The following RAP1GDS1 variants were observed in gnomAD, a reference collection of about 807,000 sequenced individuals.
RAP1GDS1 encodes the protein Rap1 GTPase-GDP dissociation stimulator 1, also known as RAP1, GTP-GDP dissociation stimulator 1.
RAP1GDS1 carries 35 observed loss-of-function variants against 71.1 expected under a neutral mutation model. The ratio of observed to expected loss-of-function variants is 0.49; its 90% CI spans 0.38 to 0.65. The LOEUF is 0.65. Among genes scored for constraint, RAP1GDS1 ranks in the 30% least tolerant of loss-of-function variants. The probability of loss-of-function intolerance (pLI) is 0.00; values close to 1 mark genes in which losing one functional copy is unlikely to be tolerated. For missense variants in RAP1GDS1, 663 were observed against 706.1 expected, an observed-to-expected ratio of 0.94 and a Z score of 0.69; for synonymous variants, 229 against 243.1, an observed-to-expected ratio of 0.94 and a Z score of 0.54.
At chr4:98,297,850 C>G (rs558279876) in intron 2 of RAP1GDS1, among the ~76,000 whole-genome samples, 2 of 152,116 alleles carry the variant, frequency 1.3e-5, no homozygotes, top group Admixed American at 1.3e-4. Flanking sequence ...GAAAGCATGT[C>G]GAAAGCGGAG....
At position 98,433,998 on chromosome 4, in the gene RAP1GDS1, T is replaced by TACTA; in HGVS notation, c.1503_1504insACTA (p.Glu502ThrfsTer9). The TACTA allele has an allele frequency of 6.2e-7, 1 of 1,613,452 alleles. No individual in the cohort carries two copies. Among genetic ancestry groups the TACTA allele is most frequent in the Non-Finnish European group, 8.5e-7 (1 of 1,179,398 alleles). ...AGCATCTAGTTACCATGGCAACTAGTGAACATGTAATAATGCAGAATGAAG... is the reference window on the plus strand; with the variant it reads ...AGCATCTAGTTACCATGGCAACTAGTACTAGAACATGTAATAATGCAGAATGAAG... On this transcript the variant is annotated frameshift_variant, in exon 13 of 15. Transcript: ENST00000408927. LOFTEE classifies it high-confidence loss of function.
chr4:98,424,545 G>A (rs1360199261), intron 12 of RAP1GDS1, among the ~76,000 whole-genome samples: 3 of 152,182 alleles, frequency 2.0e-5, no homozygotes, highest in Non-Finnish European at 4.4e-5. Context: ...GTGGATCATT[G>A]TGGTCAGGAG....
intron 3 of RAP1GDS1, among the ~76,000 whole-genome samples, chr4:98,345,891 T>G (rs1050804798): frequency 6.6e-6 from 1 of 152,202 alleles, no homozygotes; most frequent in African/African-American, 2.4e-5. Context: ...TAGCAGCATG[T>G]AACCTGAAAG....
intron 2 of RAP1GDS1, among the ~76,000 whole-genome samples, chr4:98,307,126 G>A (rs1729442568): frequency 6.6e-6 from 1 of 150,932 alleles, no homozygotes; most frequent in Non-Finnish European, 1.5e-5. Flanking sequence ...GGACTTAATT[G>A]TATTTTTTTT....
At chr4:98,295,700 A>C (rs1238326561) in intron 2 of RAP1GDS1, among the ~76,000 whole-genome samples, 1 of 152,106 alleles carries the variant, frequency 6.6e-6, no homozygotes, top group Non-Finnish European at 1.5e-5. Flanking sequence ...GAGTTCATGT[A>C]ATGTGAAATC....
rs1298976058 is a variant in RAP1GDS1 at position 98,366,441 on chromosome 4, A to G, written c.362-12576A>G. ...GTATGTCTTTATCAGCAGCATGAAA[A>G]CAAACTAATACAGTAAATTGGTACC... is the stretch of plus-strand genomic sequence containing the variant. On this transcript the variant is annotated intron_variant, in intron 4 of 14. Coordinates refer to ENST00000408927, the MANE Select transcript of RAP1GDS1 (RefSeq NM_001100427.2). 2.6e-5 allele frequency among the ~76,000 whole-genome samples: 4 copies of G among 152,170 alleles called. No individual in the cohort carries two copies. The East Asian group carries it at 5.8e-4, about 22-fold the overall frequency.
intron 2 of RAP1GDS1, among the ~76,000 whole-genome samples, chr4:98,293,932 T>G (rs1727346017): frequency 6.6e-6 from 1 of 152,110 alleles, no homozygotes; most frequent in African/African-American, 2.4e-5. Flanking sequence ...TAACATTTTT[T>G]TGGAATCTTA....
At chr4:98,316,983 T>C (rs1026554042) in intron 2 of RAP1GDS1, among the ~76,000 whole-genome samples, 3 of 152,190 alleles carry the variant, frequency 2.0e-5, no homozygotes, top group Admixed American at 1.3e-4. Context: ...AGTTAATCTT[T>C]TCCCAGTTGC....
At chr4:98,400,349 T>A (rs1476235154) in intron 6 of RAP1GDS1, among the ~76,000 whole-genome samples, 1 of 151,850 alleles carries the variant, frequency 6.6e-6, no homozygotes, top group African/African-American at 2.4e-5. Context: ...TGTATATGTA[T>A]ATACACACAC....
At chr4:98,358,968 A>G (rs1738335841) in intron 4 of RAP1GDS1, among the ~76,000 whole-genome samples, 1 of 152,056 alleles carries the variant, frequency 6.6e-6, no homozygotes, top group South Asian at 2.1e-4. Context: ...CTATCCAGAA[A>G]GCATATATAT....
At chr4:98,287,604 A>AG (rs1365319562) in intron 1 of RAP1GDS1, among the ~76,000 whole-genome samples, 2 of 152,206 alleles carry the variant, frequency 1.3e-5, no homozygotes, top group African/African-American at 4.8e-5. Flanking sequence ...TCATGGATTA[A>AG]GGTAGAAGTT....
chr4:98,392,477 G>T (rs932414382), intron 6 of RAP1GDS1, among the ~76,000 whole-genome samples: 5 of 152,228 alleles, frequency 3.3e-5, no homozygotes, highest in Admixed American at 1.3e-4. Flanking sequence ...CACTTCGGAA[G>T]GCCGAGGTGG....
intron 14 of RAP1GDS1, among the ~76,000 whole-genome samples, chr4:98,438,755 T>C (rs997487874): frequency 2.6e-5 from 4 of 151,450 alleles, no homozygotes; most frequent in Non-Finnish European, 5.9e-5. Context: ...ACATCACACC[T>C]GGCTAATTTT....
intron 2 of RAP1GDS1, among the ~76,000 whole-genome samples, chr4:98,322,395 G>C (rs1015212662): frequency 8.9e-6 from 1 of 112,984 alleles, no homozygotes; most frequent in South Asian, 3.7e-4. Flanking sequence ...CCCAGGAATT[G>C]AACTCAGCTC....
intron 1 of RAP1GDS1, among the ~76,000 whole-genome samples, chr4:98,269,820 T>G (rs904244362): frequency 2.6e-5 from 4 of 152,172 alleles, no homozygotes; most frequent in Admixed American, 1.3e-4. Flanking sequence ...CTGAATAATT[T>G]CAAAATCTGA....
chr4:98,350,763 A>C (rs1182253764), intron 3 of RAP1GDS1, among the ~76,000 whole-genome samples: 2 of 152,196 alleles, frequency 1.3e-5, no homozygotes, highest in East Asian at 1.9e-4. Flanking sequence ...ATTTGAACCC[A>C]GGGGGCAGAG....
chr4:98,338,692 T>C (rs1323122871), intron 2 of RAP1GDS1, among the ~76,000 whole-genome samples: 1 of 152,216 alleles, frequency 6.6e-6, no homozygotes, highest in Non-Finnish European at 1.5e-5. Context: ...TTTTTATTAC[T>C]CTAAAGCTAT....
At chr4:98,278,301 T>C (rs1724533106) in intron 1 of RAP1GDS1, among the ~76,000 whole-genome samples, 1 of 152,230 alleles carries the variant, frequency 6.6e-6, no homozygotes. Context: ...TTTTCATTAC[T>C]TCTTATTATC....
At chr4:98,405,421 CTA>C (rs1745974610) in intron 7 of RAP1GDS1, among the ~76,000 whole-genome samples, 1 of 151,772 alleles carries the variant, frequency 6.6e-6, no homozygotes, top group African/African-American at 2.4e-5. Flanking sequence ...CCAATATGAA[CTA>C]AAAGGAAAGA....
Sources: gnomAD v4.1 joint callset for allele counts (sites outside exome capture counted in the v4.1 genomes callset) on GRCh38, gnomAD v4.1.1 for gene constraint, MANE v1.5 for transcripts, NCBI Gene and HGNC (gene_info 2026-07-23, HGNC 2026-07-21) for gene names.